Variants in GPN3 observed in about 807,000 individuals in gnomAD.
GPN3 encodes ATP-binding domain 1 family member C.
In GPN3, 31 loss-of-function variants were observed where a neutral mutation model predicts 38.7. That is an observed-to-expected ratio of 0.80 (90% CI 0.60 to 1.08). The LOEUF (loss-of-function observed/expected upper bound fraction) is 1.08, where lower values mean the gene tolerates loss of function less well. GPN3 is among the 50% of genes least tolerant of loss of function. GPN3 has a pLI of 0.00. For synonymous variants in GPN3, 116 were observed against 120.2 expected (o/e 0.96, Z 0.23); for missense variants, 301 against 354.4 (o/e 0.85, Z 1.21).
intron 2 of GPN3, chr12:110,461,147 A>G (rs1200964262): frequency 7.7e-7 from 1 of 1,303,738 alleles, no homozygotes; most frequent in African/African-American, 1.5e-5. Flanking sequence ...GAAATTTGCC[A>G]TGAAGGAGAT....
intron 2 of GPN3, among the ~76,000 whole-genome samples, chr12:110,460,607 G>T (rs148795333): frequency 6.6e-6 from 1 of 152,098 alleles, no homozygotes; most frequent in African/African-American, 2.4e-5. Flanking sequence ...TGAGGCAGGC[G>T]GATCACTTGA....
chr12:110,466,804 C>CTG (rs1233284944), intron 1 of GPN3, among the ~76,000 whole-genome samples: 16 of 152,186 alleles, frequency 1.1e-4, no homozygotes, highest in Admixed American at 1.0e-3. Context: ...CCACATCACA[C>CTG]TGTATCTTAA....
chr12:110,454,357 A>C (rs142276271), intron 6 of GPN3, among the ~76,000 whole-genome samples: 49 of 152,182 alleles, frequency 3.2e-4, no homozygotes, highest in African/African-American at 1.2e-3. Flanking sequence ...GTGTTTAGGA[A>C]AAAAACCCAA....
At chr12:110,468,348 G>A (rs1231566729), upstream of GPN3, 5 of 1,536,792 alleles carry the variant, frequency 3.3e-6, no homozygotes, top group African/African-American at 1.4e-5. Flanking sequence ...GGGGCAGCCC[G>A]CGGGCCAAAT....
intron 1 of GPN3, among the ~76,000 whole-genome samples, chr12:110,466,688 G>A (rs1209110503): frequency 2.6e-5 from 4 of 152,076 alleles, no homozygotes; most frequent in Non-Finnish European, 5.9e-5. Flanking sequence ...TAGAGACAGG[G>A]CTTCACCATG....
intron 2 of GPN3, among the ~76,000 whole-genome samples, chr12:110,462,003 G>A (rs972638827): frequency 6.6e-6 from 1 of 152,120 alleles, no homozygotes; most frequent in Admixed American, 6.6e-5. Context: ...CAGCATGCCA[G>A]GCTAATCTTT....
rs764585428 is a variant in GPN3, at chr12:110,452,598, A to C, written c.*436T>G. 25 of 162,976 alleles carry C rather than the reference A, an allele frequency of 1.5e-4. No individual in the cohort carries two copies. In the Middle Eastern group the frequency reaches 9.9e-3, roughly 64 times the overall value. 10.1% of individuals were successfully genotyped at this position (162,976 alleles called of 1,614,324 possible). Reference sequence around the variant, plus strand: ...TTTTTAAGTTATATAAATAATATACATTTTCAATATAGGAAAATGGGAAGA... The same window carrying C: ...TTTTTAAGTTATATAAATAATATACCTTTTCAATATAGGAAAATGGGAAGA... On this transcript the variant is annotated 3_prime_UTR_variant, in exon 8 of 8. Transcript: ENST00000228827.
At chr12:110,463,308 T>C (rs1342658618) in intron 2 of GPN3, among the ~76,000 whole-genome samples, 7 of 150,080 alleles carry the variant, frequency 4.7e-5, no homozygotes, top group Non-Finnish European at 8.9e-5. Context: ...ATACAAAAAT[T>C]ACCCAGGCAT....
chr12:110,464,795 A>G lies in GPN3; in HGVS notation c.157+311T>C, dbSNP rs182304482. 1.6e-3 allele frequency: 479 copies of G among 295,340 alleles called. 5 individuals are homozygous for G. Among genetic ancestry groups the G allele is most frequent in the African/African-American group, 9.4e-3 (437 of 46,518 alleles). The allele number at this position is 295,340 out of a possible 1,614,324, so 18.3% of individuals were successfully genotyped here. On this transcript the variant is annotated intron_variant, in intron 2 of 7. Coordinates refer to ENST00000228827, the MANE Select transcript of GPN3 (RefSeq NM_016301.4). The stretch of plus-strand genomic sequence containing the variant: ...TTTTTAGTAGAGACAGGGTTTCACC[A>G]TGTTGGTCAGGCTGGTCTCAAATTC...
At chr12:110,468,265 G>C, upstream of GPN3, 6 of 1,602,516 alleles carry the variant, frequency 3.7e-6, no homozygotes, top group Non-Finnish European at 5.1e-6. Flanking sequence ...ACTGAGCTCC[G>C]GGAAAGTGAA....
intron 2 of GPN3, chr12:110,461,475 C>A (rs1337508087): frequency 1.9e-6 from 1 of 528,068 alleles, no homozygotes. Context: ...TGGCATGTGC[C>A]TGTAATCCCA....
chr12:110,463,709 G>A (rs564356125), intron 2 of GPN3, among the ~76,000 whole-genome samples: 8 of 150,140 alleles, frequency 5.3e-5, no homozygotes, highest in Admixed American at 1.3e-4. Flanking sequence ...TGAGATGGGA[G>A]GATGGCTTGA....
At position 110,455,620 on chromosome 12, in the gene GPN3, T is replaced by G; in HGVS notation, c.629A>C (p.Lys210Thr). ...EDSTSDLRSK[K>T]FKKLTKAICG... ...TATAGCTTTAGTCAGTTTCTTGAATTTTTTGCTTCTTAAGTCACTTGTAGA... is the reference window on the plus strand; with the variant it reads ...TATAGCTTTAGTCAGTTTCTTGAATGTTTTGCTTCTTAAGTCACTTGTAGA... Residue 210 changes from lysine to threonine, a missense_variant, in exon 6 of 8, where the codon AAA becomes ACA. Lys to Thr is a moderately conservative substitution (Grantham distance 78, BLOSUM62 -1). Transcript: ENST00000228827. 4 of 1,470,346 alleles carry G rather than the reference T, an allele frequency of 2.7e-6. No homozygotes were observed. The highest frequency in any genetic ancestry group is 3.8e-6 in the Non-Finnish European group (4 of 1,051,830). 91.1% of individuals were successfully genotyped at this position (1,470,346 alleles called of 1,614,324 possible).
chr12:110,459,644 T>C (rs900523992), intron 3 of GPN3, 51 bp downstream of exon 3: 3 of 1,219,906 alleles, frequency 2.5e-6, no homozygotes, highest in Non-Finnish European at 2.4e-6. Context: ...CTACTAAGGA[T>C]GGAACTATCA....
chr12:110,465,135 G>T lies in GPN3; in HGVS notation c.128C>A (p.Ala43Glu). 6.2e-7 allele frequency: 1 copy of T among 1,606,070 alleles called. No individual in the cohort carries two copies. The highest frequency in any genetic ancestry group is 8.5e-7 in the Non-Finnish European group (1 of 1,172,606). The part of the protein sequence containing the change: ...SVQVVNLDPA[A>E]EHFNYSVMAD... ...CATCACGGAGTAGTTGAAGTGTTCT[G>T]CTGCTGGATCCAGGTTTACAACTTG... The change falls in exon 2 of 8, where the codon GCA becomes GAA. Residue 43 changes from alanine (A) to glutamate (E), a missense_variant. Ala to Glu is a moderately radical substitution (Grantham distance 107). Coordinates refer to ENST00000228827, the MANE Select transcript of GPN3 (RefSeq NM_016301.4).
chr12:110,468,273 G>A (rs2062652049), upstream of GPN3: 1 of 1,601,182 alleles, frequency 6.2e-7, no homozygotes, highest in Non-Finnish European at 8.5e-7. Context: ...CCGGGAAAGT[G>A]AAGTGCGAAC....
intron 7 of GPN3, 68 bp downstream of exon 7, chr12:110,453,675 C>A: frequency 7.9e-7 from 1 of 1,260,976 alleles, no homozygotes; most frequent in East Asian, 2.3e-5. Flanking sequence ...CTGGATTATG[C>A]AAGAGTCCAG....
At chr12:110,453,212 G>A in intron 7 of GPN3, 116 bp from the exon 8 acceptor site, 1 of 564,670 alleles carries the variant, frequency 1.8e-6, no homozygotes, top group South Asian at 2.3e-5. Context: ...CCCAGCACCA[G>A]CTCCAGGTGC....
In GPN3 at chr12:110,452,977, A is replaced by C; in HGVS notation, c.*57T>G. On this transcript the variant is annotated 3_prime_UTR_variant, in exon 8 of 8. Transcript: ENST00000228827. Reference sequence around the variant, plus strand: ...TCTACTATTGCATCCTTTGAAGAGAAGAATGTTCTGCTGGTTTGGCCACAA... The same window carrying C: ...TCTACTATTGCATCCTTTGAAGAGACGAATGTTCTGCTGGTTTGGCCACAA... 1.2e-6 allele frequency: 1 copy of C among 811,944 alleles called. No homozygotes were observed. The highest frequency in any genetic ancestry group is 2.4e-5 in the East Asian group (1 of 41,258). The allele number at this position is 811,944 out of a possible 1,614,324, so 50.3% of individuals were successfully genotyped here.
Sources: gnomAD v4.1 joint callset for allele counts (sites outside exome capture counted in the v4.1 genomes callset) on GRCh38, gnomAD v4.1.1 for gene constraint, MANE v1.5 for transcripts, NCBI Gene and HGNC (gene_info 2026-07-23, HGNC 2026-07-21) for gene names.